Variants in DEPDC1B observed in about 807,000 individuals in gnomAD.
DEPDC1B encodes DEP domain containing 1B.
A neutral mutation model predicts 66.5 loss-of-function variants in DEPDC1B; 51 were observed. The ratio of observed to expected loss-of-function variants is 0.77; its 90% CI spans 0.61 to 0.97. The LOEUF (loss-of-function observed/expected upper bound fraction) is 0.97. Among genes scored for constraint, DEPDC1B ranks in the 50% least tolerant of loss-of-function variants. The pLI is 0.00. For missense variants in DEPDC1B, 552 were observed against 637.1 expected, an observed-to-expected ratio of 0.87 and a Z score of 1.44; for synonymous variants, 226 against 223.6, an observed-to-expected ratio of 1.01 and a Z score of -0.10.
intron 2 of DEPDC1B, among the ~76,000 whole-genome samples, chr5:60,659,229 G>A (rs370989102): frequency 4.1e-4 from 63 of 152,156 alleles, no homozygotes; most frequent in African/African-American, 1.4e-3. Context: ...TCTTGAGAGC[G>A]GCCCGTCGCA....
intron 1 of DEPDC1B, among the ~76,000 whole-genome samples, chr5:60,696,253 T>C (rs1754653426): frequency 6.6e-6 from 1 of 152,252 alleles, no homozygotes; most frequent in Non-Finnish European, 1.5e-5. Context: ...ACTGCTCTAT[T>C]GCTACTGACT....
intron 2 of DEPDC1B, among the ~76,000 whole-genome samples, chr5:60,657,357 G>GAA (rs1753601226): frequency 6.6e-6 from 1 of 151,896 alleles, no homozygotes; most frequent in African/African-American, 2.4e-5. Flanking sequence ...TGAATACCTT[G>GAA]TTGTTTTTTT....
chr5:60,689,773 G>A (rs770023239), intron 1 of DEPDC1B, among the ~76,000 whole-genome samples: 2 of 151,990 alleles, frequency 1.3e-5, no homozygotes, highest in Non-Finnish European at 2.9e-5. Flanking sequence ...CAGGTGCAGT[G>A]GCTTACACCC....
chr5:60,628,267 A>C (rs1752846837), intron 7 of DEPDC1B: 1 of 152,234 alleles, frequency 6.6e-6, no homozygotes, highest in Non-Finnish European at 1.5e-5. Flanking sequence ...TCTATTTTCA[A>C]ATCACTAGAA....
At chr5:60,638,397 A>T (rs1284436929) in intron 7 of DEPDC1B, among the ~76,000 whole-genome samples, 1 of 152,228 alleles carries the variant, frequency 6.6e-6, no homozygotes, top group Non-Finnish European at 1.5e-5. Context: ...TTGACTATTC[A>T]TGAAGTCATA....
chr5:60,695,958 C>T (rs1241933689), intron 1 of DEPDC1B, among the ~76,000 whole-genome samples: 1 of 152,094 alleles, frequency 6.6e-6, no homozygotes, highest in Non-Finnish European at 1.5e-5. Flanking sequence ...GCCACCACAC[C>T]CAGCTAATTT....
intron 7 of DEPDC1B, among the ~76,000 whole-genome samples, chr5:60,621,548 T>C: frequency 6.9e-6 from 1 of 144,586 alleles, no homozygotes; most frequent in African/African-American, 2.6e-5. Context: ...GTAGGGGGAG[T>C]GGGGAGGGAT....
At chr5:60,671,324 G>A (rs1432651078) in intron 2 of DEPDC1B, among the ~76,000 whole-genome samples, 1 of 152,192 alleles carries the variant, frequency 6.6e-6, no homozygotes, top group Non-Finnish European at 1.5e-5. Flanking sequence ...GCGGATCTGT[G>A]AAGCACAAGA....
chr5:60,695,860 G>A (rs539329220), intron 1 of DEPDC1B, among the ~76,000 whole-genome samples: 3 of 152,086 alleles, frequency 2.0e-5, no homozygotes, highest in Non-Finnish European at 4.4e-5. Context: ...GTGCAGTGGC[G>A]TGATCTCGGC....
intron 8 of DEPDC1B, among the ~76,000 whole-genome samples, chr5:60,604,792 T>C (rs1259901625): frequency 1.3e-5 from 2 of 152,170 alleles, no homozygotes; most frequent in South Asian, 4.1e-4. Context: ...GTTTTGCATG[T>C]GTATTTTATA....
chr5:60,638,117 T>A (rs563876951), intron 7 of DEPDC1B, among the ~76,000 whole-genome samples: 3 of 152,196 alleles, frequency 2.0e-5, no homozygotes, highest in African/African-American at 7.2e-5. Flanking sequence ...TAATACTTAA[T>A]GAACAATTAC....
intron 7 of DEPDC1B, among the ~76,000 whole-genome samples, chr5:60,635,535 CAAAT>C (rs1228948991): frequency 6.6e-6 from 1 of 152,204 alleles, no homozygotes; most frequent in Non-Finnish European, 1.5e-5. Context: ...AGCCTCCTAA[CAAAT>C]AAACCAGGAG....
intron 2 of DEPDC1B, among the ~76,000 whole-genome samples, chr5:60,680,980 G>A (rs549977435): frequency 6.6e-6 from 1 of 152,202 alleles, no homozygotes; most frequent in Non-Finnish European, 1.5e-5. Context: ...TAGTTATTTT[G>A]GCTTTATTAA....
chr5:60,642,794 C>A lies in DEPDC1B; in HGVS notation c.757+18G>T. The A allele has an allele frequency of 6.2e-7, 1 of 1,600,018 alleles. No homozygotes were observed. The highest frequency in any genetic ancestry group is 8.5e-7 in the Non-Finnish European group (1 of 1,173,440). ...ATTTCTGTTAATTTCACAAAACTGG[C>A]AGATAATTAGTACTTACAATTTGCC... On this transcript the variant is annotated intron_variant, in intron 6 of 10. Transcript: ENST00000265036.
chr5:60,599,320 T>C, intron 9 of DEPDC1B, 60 bp from the exon 10 acceptor site: 1 of 1,345,384 alleles, frequency 7.4e-7, no homozygotes, highest in Non-Finnish European at 9.9e-7. Context: ...ATTATAAGAA[T>C]TAGTTTAGAT....
chr5:60,681,675 T>A (rs1274308952), intron 2 of DEPDC1B, among the ~76,000 whole-genome samples: 2 of 152,158 alleles, frequency 1.3e-5, no homozygotes, highest in Admixed American at 1.3e-4. Flanking sequence ...ATCAATGAAA[T>A]GTCTGAAAAA....
At chr5:60,613,417 A>T (rs1752464019) in intron 7 of DEPDC1B, among the ~76,000 whole-genome samples, 1 of 152,248 alleles carries the variant, frequency 6.6e-6, no homozygotes, top group African/African-American at 2.4e-5. Context: ...TGAAAAGAGC[A>T]TAAAATGTTC....
intron 1 of DEPDC1B, among the ~76,000 whole-genome samples, chr5:60,698,586 T>G (rs1584112583): frequency 6.6e-6 from 1 of 152,128 alleles, no homozygotes; most frequent in East Asian, 1.9e-4. Flanking sequence ...TAGCCCAGAT[T>G]ACTGATCCAA....
At chr5:60,601,802 G>A (rs967962826) in intron 9 of DEPDC1B, among the ~76,000 whole-genome samples, 2 of 152,134 alleles carry the variant, frequency 1.3e-5, no homozygotes, top group African/African-American at 4.8e-5. Context: ...AAACATTATT[G>A]TGAGCATTTC....
Sources: gnomAD v4.1 joint callset for allele counts (sites outside exome capture counted in the v4.1 genomes callset) on GRCh38, gnomAD v4.1.1 for gene constraint, MANE v1.5 for transcripts, NCBI Gene and HGNC (gene_info 2026-07-23, HGNC 2026-07-21) for gene names.